Variants in PSG7 observed in about 807,000 individuals in gnomAD.
The protein encoded by PSG7 is pregnancy specific beta-1-glycoprotein 7.
A neutral mutation model predicts 45.6 loss-of-function variants in PSG7; 57 were observed. That is an observed-to-expected ratio of 1.25 (90% confidence interval 1.01 to 1.56). The LOEUF is 1.56. Among genes scored for constraint, PSG7 ranks in the 40% most tolerant of loss-of-function variants. The probability of loss-of-function intolerance (pLI) is 0.00; values close to 1 mark genes in which losing one functional copy is unlikely to be tolerated. For missense variants in PSG7, 796 were observed against 508.4 expected (o/e 1.57, Z -5.44); for synonymous variants, 298 against 194.4 (o/e 1.53, Z -4.43).
At chr19:42,926,269 G>C in intron 4 of PSG7, 169 bp downstream of exon 4, 4 of 1,439,696 alleles carry the variant, frequency 2.8e-6, no homozygotes, top group Non-Finnish European at 3.7e-6. Flanking sequence ...TTAAGGCTGT[G>C]CCTACCCAGG....
At chr19:42,926,837 G>T in intron 3 of PSG7, 121 bp from the exon 4 acceptor site, 2 of 1,490,248 alleles carry the variant, frequency 1.3e-6, no homozygotes. Context: ...AAAGCCAATA[G>T]CTGGTGTGTG....
In PSG7 at chr19:42,935,434, C is replaced by T. The variant is rs782646480; in HGVS notation, c.400G>A (p.Val134Ile). Reference protein sequence around the residue: ...IIKRGDGTGGVTGRFTFTLYL... With the variant: ...IIKRGDGTGGITGRFTFTLYL... The stretch of plus-strand genomic sequence containing the variant: ...AAGGTGAAGGTGAAACGTCCAGTTA[C>T]TCCTCCAGTCCCATCACCTCGCTTT... Residue 134 changes from valine (V) to isoleucine (I), a missense_variant, in exon 2 of 6, where the codon GTA becomes ATA. Transcript: ENST00000406070. 4 of 1,611,922 alleles carry T rather than the reference C, an allele frequency of 2.5e-6. No individual in the cohort carries two copies. In the African/African-American group the frequency reaches 4.0e-5, roughly 16 times the overall value.
rs1168710338 is a variant in PSG7 at position 42,924,708 on chromosome 19, T to C, written c.*100A>G. 7.8e-6 allele frequency: 6 copies of C among 765,692 alleles called. No homozygotes were observed. The highest frequency in any genetic ancestry group is 1.4e-5 in the Non-Finnish European group (6 of 417,374). The allele number at this position is 765,692 out of a possible 1,614,324, so 47.4% of individuals were successfully genotyped here. ...CAAGGATTTTCCCATGAAATTTACATTGAGTTGTCCAACTCTGACTTATAG... is the reference window on the plus strand; with the variant it reads ...CAAGGATTTTCCCATGAAATTTACACTGAGTTGTCCAACTCTGACTTATAG... On this transcript the variant is annotated 3_prime_UTR_variant, in exon 6 of 6. Coordinates refer to ENST00000406070, the MANE Select transcript of PSG7 (RefSeq NM_002783.3).
chr19:42,932,885 A>G (rs1201223853), intron 2 of PSG7, among the ~76,000 whole-genome samples: 1 of 151,290 alleles, frequency 6.6e-6, no homozygotes, highest in Non-Finnish European at 1.5e-5. Context: ...AAGAGTTTAC[A>G]AAATTTGTAA....
At chr19:42,926,817 T>C in intron 3 of PSG7, 101 bp from the exon 4 acceptor site, 1 of 1,540,778 alleles carries the variant, frequency 6.5e-7, no homozygotes, top group Non-Finnish European at 8.8e-7. Flanking sequence ...TCAACACGTG[T>C]GAGTCCTTGA....
chr19:42,925,741 C>T lies in PSG7; in HGVS notation c.1243+32G>A, dbSNP rs371093066. On this transcript the variant is annotated intron_variant, in intron 5 of 5. Coordinates refer to ENST00000406070, the MANE Select transcript of PSG7 (RefSeq NM_002783.3). ...AAAGTCAGATAGACTGCACCTAAAA[C>T]CCTATTGCCAAGGATGCTGGGATCC... 8 of 1,611,352 alleles carry T rather than the reference C, an allele frequency of 5.0e-6. No individual in the cohort carries two copies. In the African/African-American group the frequency reaches 9.4e-5, roughly 19 times the overall value.
chr19:42,934,795 C>T (rs1973109200), intron 2 of PSG7, among the ~76,000 whole-genome samples: 1 of 151,648 alleles, frequency 6.6e-6, no homozygotes, highest in Non-Finnish European at 1.5e-5. Context: ...GCTTGTCTTT[C>T]TGTCCTCTCC....
intron 1 of PSG7, chr19:42,936,581 C>T (rs139925921): frequency 0.15 from 26,160 of 172,042 alleles, 2,585 homozygotes; most frequent in African/African-American, 0.2. Flanking sequence ...TATTTTGACC[C>T]CTGTCCCTCT....
rs73553538 is a variant in PSG7, at chr19:42,926,813, C to T, written c.710-97G>A. Reference sequence around the variant, plus strand: ...AGTTGGCATCTCCCACCTGTCAACACGTGTGAGTCCTTGAAAGCCAATAGC... The same window carrying T: ...AGTTGGCATCTCCCACCTGTCAACATGTGTGAGTCCTTGAAAGCCAATAGC... On this transcript the variant is annotated intron_variant, in intron 3 of 5. Coordinates refer to ENST00000406070, the MANE Select transcript of PSG7 (RefSeq NM_002783.3). The T allele has an allele frequency of 4.8e-3, 7,444 of 1,545,170 alleles. 439 individuals carry two copies. The African/African-American group carries it at 0.087, about 18-fold the overall frequency.
In PSG7 at chr19:42,929,837, C is replaced by T. The variant is rs545137798; in HGVS notation, c.431-117G>A. The T allele has an allele frequency of 3.3e-5, 47 of 1,425,780 alleles. 2 individuals are homozygous for T. Among genetic ancestry groups the T allele is most frequent in the Non-Finnish European group, 3.8e-5 (40 of 1,050,338 alleles). The allele number at this position is 1,425,780 out of a possible 1,614,324, so 88.3% of individuals were successfully genotyped here. On this transcript the variant is annotated intron_variant, in intron 2 of 5. Transcript: ENST00000406070. ...CAGCCCACCCAAGTCCTTAAAAGCC[C>T]ATGGCAGGTGTGTGTGTTACAAGAC...
At chr19:42,925,438 C>T in intron 5 of PSG7, 1 of 578,768 alleles carries the variant, frequency 1.7e-6, no homozygotes, top group Non-Finnish European at 2.7e-6. Context: ...GATTAAAAGA[C>T]AAATTTCCAT....
At chr19:42,929,876 T>C (rs1020591611) in intron 2 of PSG7, among the ~76,000 whole-genome samples, 156 bp from the exon 3 acceptor site, 8 of 151,518 alleles carry the variant, frequency 5.3e-5, no homozygotes, top group African/African-American at 1.7e-4. Flanking sequence ...TGCATGGCAA[T>C]CTGAGGGCTC....
In PSG7 at chr19:42,935,837, G is replaced by A; in HGVS notation, c.65-68C>T. On this transcript the variant is annotated intron_variant, in intron 1 of 5. Coordinates refer to ENST00000406070, the MANE Select transcript of PSG7 (RefSeq NM_002783.3). ...GTTGGGTTGAAAAGATGGGCCCCTG[G>A]GTCCTGAGAAGGTCTCTTCAATCCT... 4 of 1,527,440 alleles carry A rather than the reference G, an allele frequency of 2.6e-6. No homozygotes were observed. In the South Asian group the frequency reaches 3.9e-5, roughly 15 times the overall value. The allele number at this position is 1,527,440 out of a possible 1,614,324, so 94.6% of individuals were successfully genotyped here. A position where few individuals can be genotyped will look rare whatever the true frequency, so the allele number is the denominator to read the frequency against.
At position 42,935,483 on chromosome 19, in the gene PSG7, T is replaced by C; in HGVS notation, c.351A>G (p.Thr117=). 6.2e-7 allele frequency: 1 copy of C among 1,612,220 alleles called. No individual in the cohort carries two copies. Among genetic ancestry groups the C allele is most frequent in the Non-Finnish European group, 8.5e-7 (1 of 1,179,018 alleles). The part of the protein sequence containing the change: ...LLIQNVTQED[T]GSYTLHIIKR... Reference sequence around the variant, plus strand: ...TTATGATGTGTAAAGTGTAGGATCCTGTGTCTTCCTGGGTGACATTCTGGA... The same window carrying C: ...TTATGATGTGTAAAGTGTAGGATCCCGTGTCTTCCTGGGTGACATTCTGGA... Residue 117 remains threonine, a synonymous_variant, in exon 2 of 6, where the codon ACA becomes ACG. Transcript: ENST00000406070.
chr19:42,926,818 G>T, intron 3 of PSG7, 102 bp from the exon 4 acceptor site: 1 of 1,541,336 alleles, frequency 6.5e-7, no homozygotes, highest in Non-Finnish European at 8.8e-7. Context: ...CAACACGTGT[G>T]AGTCCTTGAA....
Position 42,935,609 on chromosome 19 carries a change from GA to G in PSG7, c.224del (p.Leu75ProfsTer9). ...YIWYKGQIRD[L>X]YHYVTSYIVD... ...CTATATATGATGTAACATAATGGTA[GA>G]GGTCCCTGATTTGTCCTTTGTACCA... On this transcript the variant is annotated frameshift_variant, in exon 2 of 6. Coordinates refer to ENST00000406070, the MANE Select transcript of PSG7 (RefSeq NM_002783.3). LOFTEE classifies it high-confidence loss of function. 1.2e-6 allele frequency: 2 copies of G among 1,612,086 alleles called. No homozygotes were observed. The highest frequency in any genetic ancestry group is 1.7e-6 in the Non-Finnish European group (2 of 1,179,112).
At chr19:42,935,969 G>A (rs1973145555) in intron 1 of PSG7, among the ~76,000 whole-genome samples, 200 bp from the exon 2 acceptor site, 1 of 150,078 alleles carries the variant, frequency 6.7e-6, no homozygotes, top group South Asian at 2.1e-4. Flanking sequence ...GTGTCCTACT[G>A]TCCTACTAGG....
At chr19:42,929,770 T>G in intron 2 of PSG7, 50 bp from the exon 3 acceptor site, 1 of 1,573,236 alleles carries the variant, frequency 6.4e-7, no homozygotes, top group Non-Finnish European at 8.6e-7. Context: ...CTTTGACTCC[T>G]CCAAAGGCAT....
At chr19:42,933,408 G>T (rs534684053) in intron 2 of PSG7, among the ~76,000 whole-genome samples, 1 of 144,092 alleles carries the variant, frequency 6.9e-6, no homozygotes, top group South Asian at 2.3e-4. Flanking sequence ...CTGTCCCATG[G>T]TCTTGTCCAC....
Sources: allele counts gnomAD v4.1 joint callset (sites outside exome capture counted in the v4.1 genomes callset), GRCh38; gene constraint gnomAD v4.1.1; transcripts MANE v1.5; gene names NCBI Gene and HGNC (gene_info 2026-07-23, HGNC 2026-07-21).